Variants in GTF2H1 observed in about 807,000 individuals in gnomAD.
The protein encoded by GTF2H1 is BTF2 p62.
Under a neutral mutation model 71.2 loss-of-function variants are expected in GTF2H1, and 16 were observed. The ratio of observed to expected loss-of-function variants is 0.22; its 90% CI spans 0.15 to 0.34. The LOEUF (loss-of-function observed/expected upper bound fraction) is 0.34, where lower values mean the gene tolerates loss of function less well. GTF2H1 is among the 10% of genes least tolerant of loss of function. The pLI, the probability that GTF2H1 is intolerant of heterozygous loss-of-function variation, is 1.00. For missense variants in GTF2H1, 498 were observed against 648.2 expected (o/e 0.77, Z 2.52); for synonymous variants, 215 against 219.0 (o/e 0.98, Z 0.16).
In GTF2H1 at chr11:18,351,781, C is replaced by T. The variant is rs1865431856; in HGVS notation, c.1054-100C>T. ...GGAAGAGAAGCTCATGGTGGGAAGA[C>T]TTCATTTTTTACCCTCTGTACAGTT... is the stretch of plus-strand genomic sequence containing the variant. On this transcript the variant is annotated intron_variant, in intron 9 of 14. Transcript: ENST00000265963. 3.0e-5 allele frequency: 19 copies of T among 642,652 alleles called. No homozygotes were observed. In the East Asian group the frequency reaches 5.0e-4, roughly 17 times the overall value. 39.8% of individuals were successfully genotyped at this position (642,652 alleles called of 1,614,324 possible). A position where few individuals can be genotyped will look rare whatever the true frequency, so the allele number is the denominator to read the frequency against.
At chr11:18,361,538 G>A (rs536173713) in intron 14 of GTF2H1, among the ~76,000 whole-genome samples, 62 of 152,184 alleles carry the variant, frequency 4.1e-4, no homozygotes, top group African/African-American at 1.2e-3. Context: ...GCATGGTGGC[G>A]CATGCCTGTA....
chr11:18,332,951 T>G (rs1056218727), intron 1 of GTF2H1, 109 bp from the exon 2 acceptor site: 1 of 652,422 alleles, frequency 1.5e-6, no homozygotes, highest in African/African-American at 1.9e-5. Flanking sequence ...TCCCCGTTAA[T>G]TTCCTACAGT....
intron 2 of GTF2H1, among the ~76,000 whole-genome samples, chr11:18,334,079 TA>T (rs1864964736): frequency 6.6e-6 from 1 of 152,100 alleles, no homozygotes; most frequent in African/African-American, 2.4e-5. Flanking sequence ...CCATTTCTAC[TA>T]AAAATACAAA....
At position 18,366,237 on chromosome 11, in the gene GTF2H1, CT is replaced by C; in HGVS notation, c.*373del. On this transcript the variant is annotated 3_prime_UTR_variant, in exon 15 of 15. Transcript: ENST00000265963. ...GCTGCTTTCAGAAATTAAAAAAACA[CT>C]TTTTAAAGGGTGCATTGATAAAATC... The C allele has an allele frequency of 5.6e-6, 1 of 179,490 alleles. No individual in the cohort carries two copies. The highest frequency in any genetic ancestry group is 1.2e-5 in the Non-Finnish European group (1 of 86,256). 11.1% of individuals were successfully genotyped at this position (179,490 alleles called of 1,614,324 possible).
intron 13 of GTF2H1, among the ~76,000 whole-genome samples, 196 bp downstream of exon 13, chr11:18,358,836 A>G (rs1009453787): frequency 2.0e-5 from 3 of 152,218 alleles, no homozygotes; most frequent in African/African-American, 7.2e-5. Context: ...GGAAACTGAG[A>G]TCCAGACGAG....
At chr11:18,356,194 A>G (rs371642035) in intron 11 of GTF2H1, among the ~76,000 whole-genome samples, 32 of 152,200 alleles carry the variant, frequency 2.1e-4, no homozygotes, top group African/African-American at 7.5e-4. Flanking sequence ...CCTGGCCAAC[A>G]TGGCAAAACC....
At chr11:18,358,122 T>C (rs1865605962) in intron 12 of GTF2H1, 80 bp downstream of exon 12, 1 of 916,070 alleles carries the variant, frequency 1.1e-6, no homozygotes, top group Non-Finnish European at 1.8e-6. Context: ...TGAACTTTTA[T>C]TGGTTTTTCC....
rs1865449214 is a variant in GTF2H1 at position 18,352,457 on chromosome 11, T to C, written c.1260+11T>C. The C allele has an allele frequency of 9.3e-7, 1 of 1,077,702 alleles. No individual in the cohort carries two copies. Among genetic ancestry groups the C allele is most frequent in the Non-Finnish European group, 1.4e-6 (1 of 693,236 alleles). 66.8% of individuals were successfully genotyped at this position (1,077,702 alleles called of 1,614,324 possible). On this transcript the variant is annotated intron_variant, in intron 11 of 14. Coordinates refer to ENST00000265963, the MANE Select transcript of GTF2H1 (RefSeq NM_005316.4). ...CCCAAGTTAACTCAGGTAGGTGACT[T>C]CTACTGTTTGAAGGCCAGAATTCCC... is the stretch of plus-strand genomic sequence containing the variant.
chr11:18,351,862 A>T lies in GTF2H1; in HGVS notation c.1054-19A>T. On this transcript the variant is annotated intron_variant, in intron 9 of 14. Coordinates refer to ENST00000265963, the MANE Select transcript of GTF2H1 (RefSeq NM_005316.4). ...AGAAAGTTGTGACAAAATAAAAAGT[A>T]CTGTGTTAATAATTATAGGCGAAAT... 1.6e-6 allele frequency: 2 copies of T among 1,212,528 alleles called. No homozygotes were observed. The highest frequency in any genetic ancestry group is 2.4e-6 in the Non-Finnish European group (2 of 818,028). 75.1% of individuals were successfully genotyped at this position (1,212,528 alleles called of 1,614,324 possible). A position where few individuals can be genotyped will look rare whatever the true frequency, so the allele number is the denominator to read the frequency against.
At chr11:18,357,807 A>T (rs1565018701) in intron 11 of GTF2H1, 145 bp from the exon 12 acceptor site, 5 of 679,884 alleles carry the variant, frequency 7.4e-6, no homozygotes, top group East Asian at 2.7e-5. Context: ...AAAATAGTTC[A>T]CTTTGACCAC....
chr11:18,343,751 G>T (rs1016118401), intron 7 of GTF2H1, among the ~76,000 whole-genome samples: 1 of 152,070 alleles, frequency 6.6e-6, no homozygotes, highest in Non-Finnish European at 1.5e-5. Flanking sequence ...CCTCATAAAC[G>T]TATCTCCATG....
intron 13 of GTF2H1, among the ~76,000 whole-genome samples, chr11:18,359,832 T>C (rs1865654463): frequency 6.6e-6 from 1 of 150,980 alleles, no homozygotes; most frequent in Non-Finnish European, 1.5e-5. Context: ...CACCTCAGCC[T>C]CTCTAGTAGC....
intron 14 of GTF2H1, among the ~76,000 whole-genome samples, chr11:18,361,149 A>G (rs759361562): frequency 2.0e-5 from 3 of 152,150 alleles, no homozygotes; most frequent in Non-Finnish European, 2.9e-5. Context: ...TAATATTGAA[A>G]TGTGTCATGC....
At chr11:18,348,262 A>G (rs1245987153) in intron 9 of GTF2H1, 2 of 389,748 alleles carry the variant, frequency 5.1e-6, no homozygotes, top group African/African-American at 4.1e-5. Context: ...AGAAAAACCG[A>G]AGTTTCATGT....
At chr11:18,352,992 G>A (rs1865461629) in intron 11 of GTF2H1, among the ~76,000 whole-genome samples, 2 of 152,228 alleles carry the variant, frequency 1.3e-5, no homozygotes, top group African/African-American at 2.4e-5. Flanking sequence ...TTGGGAGGCC[G>A]AGGTGGGTGG....
intron 11 of GTF2H1, among the ~76,000 whole-genome samples, chr11:18,356,957 A>AT (rs1215978842): frequency 2.0e-5 from 3 of 151,338 alleles, no homozygotes; most frequent in Non-Finnish European, 4.4e-5. Context: ...TGCCCAACTA[A>AT]TTTTTTTGTA....
chr11:18,358,725 ACCATGTGACAGACACT>A, intron 13 of GTF2H1, 85 bp downstream of exon 13: 1 of 782,982 alleles, frequency 1.3e-6, no homozygotes, highest in East Asian at 2.5e-5. Flanking sequence ...ATTGAGTCTT[ACCATGTGACAGACACT>A]GGGATAACTC....
In GTF2H1 at chr11:18,357,176, C is replaced by A. The variant is rs1387541356; in HGVS notation, c.1261-776C>A. Among the ~76,000 whole-genome samples, 13 of 152,304 alleles carry A rather than the reference C, an allele frequency of 8.5e-5. No individual in the cohort carries two copies. The East Asian group carries it at 2.3e-3, about 27-fold the overall frequency. ...CATTGGAAAATCTTAGAGATGCTAA[C>A]CCTGCACTTGCTGTTTCACAAATTA... On this transcript the variant is annotated intron_variant, in intron 11 of 14. Coordinates refer to ENST00000265963, the MANE Select transcript of GTF2H1 (RefSeq NM_005316.4).
intron 10 of GTF2H1, 118 bp downstream of exon 10, chr11:18,352,087 T>G (rs749205247): frequency 4.5e-6 from 3 of 664,296 alleles, no homozygotes; most frequent in Admixed American, 5.2e-5. Context: ...AATATCCTTT[T>G]CTGTTTAAAA....
Sources: allele counts gnomAD v4.1 joint callset (sites outside exome capture counted in the v4.1 genomes callset), GRCh38; gene constraint gnomAD v4.1.1; transcripts MANE v1.5; gene names NCBI Gene and HGNC (gene_info 2026-07-23, HGNC 2026-07-21).